Variants in ATXN3 observed in about 807,000 individuals in gnomAD.
ATXN3 encodes the protein ataxin 3.
Under a neutral mutation model 58.2 loss-of-function variants are expected in ATXN3, and 28 were observed. That is an observed-to-expected ratio of 0.48 (90% CI 0.36 to 0.66). The LOEUF (loss-of-function observed/expected upper bound fraction) is 0.66, where lower values mean the gene tolerates loss of function less well. Among genes scored for constraint, ATXN3 ranks in the 30% least tolerant of loss-of-function variants. ATXN3 has a pLI of 0.00. For synonymous variants in ATXN3, 113 were observed against 138.5 expected, an observed-to-expected ratio of 0.82 and a Z score of 1.29; for missense variants, 321 against 422.1, an observed-to-expected ratio of 0.76 and a Z score of 2.10.
At chr14:92,095,211 G>A (rs561279560) in intron 3 of ATXN3, among the ~76,000 whole-genome samples, 28 of 152,076 alleles carry the variant, frequency 1.8e-4, no homozygotes, top group Admixed American at 5.9e-4. Flanking sequence ...CCAACAGATG[G>A]TAAGTTTGAG....
chr14:92,082,201 T>C, intron 8 of ATXN3, 99 bp downstream of exon 8: 1 of 1,357,866 alleles, frequency 7.4e-7, no homozygotes. Flanking sequence ...GCAGTAATTG[T>C]CAAAACACCT....
chr14:92,096,139 T>C lies in ATXN3; in HGVS notation c.190-2A>G. On this transcript the variant is annotated splice_acceptor_variant, in intron 2 of 10. Coordinates refer to ENST00000644486, the MANE Select transcript of ATXN3 (RefSeq NM_004993.6). LOFTEE classifies it high-confidence loss of function. ...GTCATCCATATTTCCAGAAGGCTGC[T>C]GTTAATTTTGACAGGTAGTTGAAGC... is the stretch of plus-strand genomic sequence containing the variant. 2 of 1,610,458 alleles carry C rather than the reference T, an allele frequency of 1.2e-6. No homozygotes were observed. Among genetic ancestry groups the C allele is most frequent in the Non-Finnish European group, 1.7e-6 (2 of 1,179,176 alleles).
chr14:92,070,297 T>C (rs2059193730), intron 10 of ATXN3, among the ~76,000 whole-genome samples: 1 of 152,196 alleles, frequency 6.6e-6, no homozygotes, highest in African/African-American at 2.4e-5. Context: ...TCATGATTTC[T>C]GGCCGGACGT....
chr14:92,093,685 T>C, intron 4 of ATXN3, 61 bp downstream of exon 4: 1 of 1,260,136 alleles, frequency 7.9e-7, no homozygotes, highest in Non-Finnish European at 1.1e-6. Context: ...CTTTAAGAAA[T>C]TACAACTTTA....
In ATXN3 at chr14:92,106,580, C is replaced by G. The variant is rs751439402; in HGVS notation, c.-28G>C. ...TTATTTGTCTGGAGCCAACGGCCCC[C>G]ACGCCGAACCACCCCCTCCAGCTCC... On this transcript the variant is annotated 5_prime_UTR_variant, in exon 1 of 11. Transcript: ENST00000644486. The G allele has an allele frequency of 1.6e-5, 26 of 1,610,604 alleles. No individual in the cohort carries two copies. The highest frequency in any genetic ancestry group is 1.7e-5 in the Admixed American group (1 of 59,816).
chr14:92,096,283 C>T, intron 2 of ATXN3, 146 bp from the exon 3 acceptor site: 3 of 1,533,838 alleles, frequency 2.0e-6, no homozygotes, highest in Non-Finnish European at 2.6e-6. Context: ...CAGTCAGATC[C>T]CTATAGGAAG....
chr14:92,071,182 T>A, intron 9 of ATXN3, 129 bp from the exon 10 acceptor site: 2 of 1,361,286 alleles, frequency 1.5e-6, no homozygotes, highest in Non-Finnish European at 2.0e-6. Context: ...ATTAAAAGAA[T>A]GCAAGAGCAG....
At chr14:92,076,939 C>CAAAA (rs1157708694) in intron 9 of ATXN3, among the ~76,000 whole-genome samples, 46 of 59,798 alleles carry the variant, frequency 7.7e-4, no homozygotes, top group African/African-American at 2.6e-3. Context: ...GATTTCGTCT[C>CAAAA]AAAAAAAAAA....
At position 92,059,714 on chromosome 14, in the gene ATXN3, A is replaced by G; in HGVS notation, c.*4606T>C. 1 of 151,024 alleles carries G rather than the reference A, an allele frequency of 6.6e-6. No individual in the cohort carries two copies. The allele number at this position is 151,024 out of a possible 1,614,324, so 9.4% of individuals were successfully genotyped here. A position where few individuals can be genotyped will look rare whatever the true frequency, so the allele number is the denominator to read the frequency against. ...GTGCCTGTAATCCCAGGTACTTGGGAGGCTGAGGCAGGAGAATCGCTTGAA... is the reference window on the plus strand; with the variant it reads ...GTGCCTGTAATCCCAGGTACTTGGGGGGCTGAGGCAGGAGAATCGCTTGAA... On this transcript the variant is annotated 3_prime_UTR_variant, in exon 11 of 11. Coordinates refer to ENST00000644486, the MANE Select transcript of ATXN3 (RefSeq NM_004993.6).
chr14:92,076,235 C>T (rs12436814), intron 9 of ATXN3, among the ~76,000 whole-genome samples: 43,768 of 151,922 alleles, frequency 0.29, 6,710 homozygotes, highest in East Asian at 0.44. Flanking sequence ...TGCCTGAGAT[C>T]AGGAGTTCGA....
rs1282044988 is a variant in ATXN3 at position 92,066,775 on chromosome 14, T to TG, written c.992-2362_992-2361insC. On this transcript the variant is annotated intron_variant, in intron 10 of 10. Transcript: ENST00000644486. ...GGCGCCCACCACCAAGCCTGGATAATTTTTTTTTTTTTGAGATGGAGTCTC... is the reference window on the plus strand; with the variant it reads ...GGCGCCCACCACCAAGCCTGGATAATGTTTTTTTTTTTTGAGATGGAGTCTC... Among the ~76,000 whole-genome samples the TG allele has an allele frequency of 8.6e-5, 4 of 46,546 alleles. No individual in the cohort carries two copies. The East Asian group carries it at 1.8e-3, about 21-fold the overall frequency. The allele number at this position is 46,546 out of a possible 152,430, so 30.5% of individuals were successfully genotyped here. A position where few individuals can be genotyped will look rare whatever the true frequency, so the allele number is the denominator to read the frequency against.
chr14:92,075,492 A>T (rs1454208110), intron 9 of ATXN3, among the ~76,000 whole-genome samples: 1 of 152,110 alleles, frequency 6.6e-6, no homozygotes. Context: ...AATGCATGAA[A>T]ACTATGATTA....
intron 6 of ATXN3, among the ~76,000 whole-genome samples, chr14:92,088,085 T>C (rs1185243894): frequency 6.6e-6 from 1 of 152,086 alleles, no homozygotes; most frequent in Non-Finnish European, 1.5e-5. Context: ...CTTTTTTTTT[T>C]TGAGACGGAG....
intron 1 of ATXN3, among the ~76,000 whole-genome samples, chr14:92,099,255 A>C (rs1455973175): frequency 3.3e-5 from 5 of 152,228 alleles, no homozygotes; most frequent in Non-Finnish European, 5.9e-5. Flanking sequence ...CCACCTTGCA[A>C]GACGGATATT....
intron 8 of ATXN3, 99 bp from the exon 9 acceptor site, chr14:92,081,160 GTT>G: frequency 1.2e-6 from 1 of 817,796 alleles, no homozygotes; most frequent in Non-Finnish European, 2.0e-6. Context: ...CCTTTAAAAC[GTT>G]TTCTCTTTAA....
At chr14:92,087,588 C>A (rs1245182165) in intron 6 of ATXN3, among the ~76,000 whole-genome samples, 1 of 152,102 alleles carries the variant, frequency 6.6e-6, no homozygotes, top group Non-Finnish European at 1.5e-5. Flanking sequence ...GTGGTTTAAC[C>A]AGGGTTGAGA....
chr14:92,085,199 A>G (rs1400253039), intron 6 of ATXN3, among the ~76,000 whole-genome samples: 1 of 147,278 alleles, frequency 6.8e-6, no homozygotes, highest in Non-Finnish European at 1.5e-5. Context: ...TTTTTTTTTA[A>G]TTTTTTTTTG....
chr14:92,053,888 T>C (rs1268219948), downstream of ATXN3, among the ~76,000 whole-genome samples: 1 of 152,134 alleles, frequency 6.6e-6, no homozygotes, highest in Non-Finnish European at 1.5e-5. Context: ...GGAAGCCATG[T>C]ACATAAAGCC....
At chr14:92,080,378 T>C (rs17127929) in intron 9 of ATXN3, among the ~76,000 whole-genome samples, 3,337 of 152,314 alleles carry the variant, frequency 0.022, 125 homozygotes, top group African/African-American at 0.076. Flanking sequence ...AAAGGATCAA[T>C]TGGCATTCTT....
Sources: allele counts gnomAD v4.1 joint callset (sites outside exome capture counted in the v4.1 genomes callset), GRCh38; gene constraint gnomAD v4.1.1; transcripts MANE v1.5; gene names NCBI Gene and HGNC (gene_info 2026-07-23, HGNC 2026-07-21).